Variants in DGKB observed in about 807,000 individuals in gnomAD.
The protein encoded by DGKB is 90 kDa diacylglycerol kinase.
Under a neutral mutation model 114.3 loss-of-function variants are expected in DGKB, and 67 were observed. The ratio of observed to expected loss-of-function variants is 0.59; its 90% CI spans 0.48 to 0.72. DGKB has a LOEUF of 0.72. DGKB is among the 30% of genes least tolerant of loss of function. The pLI is 0.00. For missense variants in DGKB, 907 were observed against 975.2 expected (o/e 0.93, Z 0.93); for synonymous variants, 398 against 323.1 (o/e 1.23, Z -2.49).
rs543148862 is a variant in DGKB at position 14,390,671 on chromosome 7, C to T, written c.1836-45280G>A. Among the ~76,000 whole-genome samples, 15 of 152,226 alleles carry T rather than the reference C, an allele frequency of 9.9e-5. No homozygotes were observed. In the South Asian group the frequency reaches 3.1e-3, roughly 32 times the overall value. Reference sequence around the variant, plus strand: ...GGTATTTATGGTATCCAAGACATTTCTTTAACAAAACAAAAACAATAGTGT... The same window carrying T: ...GGTATTTATGGTATCCAAGACATTTTTTTAACAAAACAAAAACAATAGTGT... On this transcript the variant is annotated intron_variant, in intron 21 of 25. Transcript: ENST00000402815.
intron 21 of DGKB, among the ~76,000 whole-genome samples, chr7:14,450,310 C>T (rs1233856259): frequency 6.6e-6 from 1 of 152,134 alleles, no homozygotes; most frequent in Non-Finnish European, 1.5e-5. Flanking sequence ...ATCTTTTACT[C>T]TTGCAAGTGT....
At position 14,147,228 on chromosome 7, in the gene DGKB, T is replaced by G. The variant is rs1366350148; in HGVS notation, c.*1903A>C. On this transcript the variant is annotated 3_prime_UTR_variant, in exon 26 of 26. Transcript: ENST00000402815. ...CTGGATTACTCTTCTGCCAAACAACTTTTTTATTTTATACCAGCGCAAGTG... is the reference window on the plus strand; with the variant it reads ...CTGGATTACTCTTCTGCCAAACAACGTTTTTATTTTATACCAGCGCAAGTG... 6.6e-6 allele frequency: 1 copy of G among 152,194 alleles called. No homozygotes were observed. The highest frequency in any genetic ancestry group is 2.4e-5 in the African/African-American group (1 of 41,464). 9.4% of individuals were successfully genotyped at this position (152,194 alleles called of 1,614,324 possible).
intron 21 of DGKB, among the ~76,000 whole-genome samples, chr7:14,369,541 T>C (rs1278498058): frequency 6.6e-6 from 1 of 152,196 alleles, no homozygotes; most frequent in Non-Finnish European, 1.5e-5. Flanking sequence ...CCACCAATAT[T>C]GTAAAAGTGT....
upstream of DGKB, among the ~76,000 whole-genome samples, chr7:14,905,831 T>C (rs1783676331): frequency 6.6e-6 from 1 of 152,202 alleles, no homozygotes; most frequent in South Asian, 2.1e-4. Flanking sequence ...TTTGAATACG[T>C]GAGTGAATGA....
chr7:14,289,336 C>A (rs992833355), intron 23 of DGKB, among the ~76,000 whole-genome samples: 1 of 151,780 alleles, frequency 6.6e-6, no homozygotes, highest in African/African-American at 2.4e-5. Context: ...GAAAATTTAT[C>A]AATAAAAGTA....
intron 23 of DGKB, among the ~76,000 whole-genome samples, chr7:14,333,371 G>A (rs1311839627): frequency 1.3e-5 from 2 of 151,058 alleles, no homozygotes; most frequent in African/African-American, 4.9e-5. Context: ...TGAGGCAGGA[G>A]AATGGCGTGA....
chr7:14,786,712 G>A (rs915354359), intron 2 of DGKB, among the ~76,000 whole-genome samples: 9 of 152,248 alleles, frequency 5.9e-5, no homozygotes, highest in Non-Finnish European at 1.0e-4. Context: ...CTGGCCAGAT[G>A]TGCATGCACT....
At chr7:14,584,002 T>G (rs1688743126) in intron 17 of DGKB, among the ~76,000 whole-genome samples, 1 of 152,210 alleles carries the variant, frequency 6.6e-6, no homozygotes, top group South Asian at 2.1e-4. Context: ...TCTACGTACT[T>G]ACGTATACAA....
intron 25 of DGKB, among the ~76,000 whole-genome samples, chr7:14,170,004 CATGCCTGTA>C (rs1459380420): frequency 5.9e-5 from 9 of 151,558 alleles, no homozygotes; most frequent in Admixed American, 2.6e-4. Flanking sequence ...TGTGGTGGCA[CATGCCTGTA>C]ATCCCAGCTA....
At chr7:14,261,220 C>T (rs570062544) in intron 23 of DGKB, among the ~76,000 whole-genome samples, 109 of 149,214 alleles carry the variant, frequency 7.3e-4, no homozygotes, top group African/African-American at 2.3e-3. Flanking sequence ...ACAAATATTA[C>T]GGTGGGAAAA....
chr7:14,645,734 C>T (rs946796896), intron 13 of DGKB, among the ~76,000 whole-genome samples: 1 of 150,990 alleles, frequency 6.6e-6, no homozygotes, highest in Non-Finnish European at 1.5e-5. Flanking sequence ...GAATACAATA[C>T]CCAGCAAAGC....
chr7:14,872,500 T>C (rs1412472973), intron 1 of DGKB, among the ~76,000 whole-genome samples: 1 of 152,188 alleles, frequency 6.6e-6, no homozygotes, highest in Non-Finnish European at 1.5e-5. Flanking sequence ...TTATGTTATA[T>C]GCACTCTCTA....
intron 20 of DGKB, among the ~76,000 whole-genome samples, chr7:14,554,251 C>T (rs1200660632): frequency 6.6e-6 from 1 of 152,122 alleles, no homozygotes; most frequent in African/African-American, 2.4e-5. Flanking sequence ...ATTTCTTGAG[C>T]ACTACTGTTG....
chr7:14,937,804 A>C (rs1350855310), intron 1 of DGKB, among the ~76,000 whole-genome samples: 1 of 152,170 alleles, frequency 6.6e-6, no homozygotes, highest in African/African-American at 2.4e-5. Context: ...CAGCCTACTC[A>C]TTGTGAAGAC....
At chr7:14,164,095 A>G (rs1196625874) in intron 25 of DGKB, among the ~76,000 whole-genome samples, 1 of 152,176 alleles carries the variant, frequency 6.6e-6, no homozygotes, top group Non-Finnish European at 1.5e-5. Context: ...ACAGATATCT[A>G]TAGTATTTAA....
chr7:14,236,897 T>C (rs770555977), intron 23 of DGKB, among the ~76,000 whole-genome samples: 2 of 151,730 alleles, frequency 1.3e-5, no homozygotes, highest in Non-Finnish European at 2.9e-5. Context: ...TTTTTTCTCG[T>C]GGTGACTTTT....
intron 21 of DGKB, among the ~76,000 whole-genome samples, chr7:14,365,509 CA>C (rs1816522251): frequency 6.6e-6 from 1 of 152,052 alleles, no homozygotes; most frequent in East Asian, 1.9e-4. Context: ...AAGGACTTGA[CA>C]AAATAATTTC....
chr7:14,403,522 T>TA (rs201600908), intron 21 of DGKB, among the ~76,000 whole-genome samples: 1,548 of 30,362 alleles, frequency 0.051, 12 homozygotes, highest in Non-Finnish European at 0.31. Flanking sequence ...ATTTTCCATT[T>TA]TAAAAAAAAC....
intron 13 of DGKB, among the ~76,000 whole-genome samples, chr7:14,660,096 G>C (rs1257852029): frequency 3.3e-5 from 5 of 151,256 alleles, no homozygotes; most frequent in African/African-American, 1.2e-4. Context: ...CATGATCATG[G>C]TGGATAAGCT....
Sources: gnomAD v4.1 joint callset for allele counts (sites outside exome capture counted in the v4.1 genomes callset) on GRCh38, gnomAD v4.1.1 for gene constraint, MANE v1.5 for transcripts, NCBI Gene and HGNC (gene_info 2026-07-23, HGNC 2026-07-21) for gene names.